The following PEX5L variants were observed in gnomAD, a reference collection of about 807,000 sequenced individuals.
PEX5L encodes peroxisomal biogenesis factor 5 like.
In PEX5L, 30 loss-of-function variants were observed where a neutral mutation model predicts 84.0. That is an observed-to-expected ratio of 0.36 (90% CI 0.27 to 0.48). The LOEUF is 0.48. Among genes scored for constraint, PEX5L ranks in the 20% least tolerant of loss-of-function variants. PEX5L has a pLI of 0.99. For synonymous variants in PEX5L, 270 were observed against 283.1 expected, an observed-to-expected ratio of 0.95 and a Z score of 0.46; for missense variants, 533 against 754.6, an observed-to-expected ratio of 0.71 and a Z score of 3.44.
At chr3:180,035,756 T>C (rs1679734688) in intron 1 of PEX5L, among the ~76,000 whole-genome samples, 1 of 152,228 alleles carries the variant, frequency 6.6e-6, no homozygotes, top group South Asian at 2.1e-4. Context: ...TCAAACCTGA[T>C]GACTAAACCA....
chr3:179,990,543 T>G (rs1294458288), intron 1 of PEX5L, among the ~76,000 whole-genome samples: 1 of 152,126 alleles, frequency 6.6e-6, no homozygotes, highest in Non-Finnish European at 1.5e-5. Flanking sequence ...AGACTACAAG[T>G]GCACAGCACC....
At chr3:179,844,234 G>A (rs1165104931) in intron 8 of PEX5L, among the ~76,000 whole-genome samples, 1 of 152,192 alleles carries the variant, frequency 6.6e-6, no homozygotes, top group Non-Finnish European at 1.5e-5. Flanking sequence ...TATTTAGAAT[G>A]GGGTCATGTC....
At chr3:180,028,253 T>A (rs1791142665) in intron 1 of PEX5L, among the ~76,000 whole-genome samples, 1 of 152,170 alleles carries the variant, frequency 6.6e-6, no homozygotes, top group African/African-American at 2.4e-5. Flanking sequence ...CTATGCTTAT[T>A]CAAATGGCCA....
At chr3:179,929,421 A>G (rs1772379619) in intron 2 of PEX5L, among the ~76,000 whole-genome samples, 1 of 152,196 alleles carries the variant, frequency 6.6e-6, no homozygotes, top group East Asian at 1.9e-4. Context: ...ATTTATTTTC[A>G]GTCCATATTC....
intron 2 of PEX5L, among the ~76,000 whole-genome samples, chr3:179,898,814 G>A (rs1436081067): frequency 6.6e-6 from 1 of 151,970 alleles, no homozygotes; most frequent in Non-Finnish European, 1.5e-5. Context: ...TGTGGAGATG[G>A]TATAAACTTC....
At chr3:179,828,414 C>T (rs1731341159) in intron 8 of PEX5L, among the ~76,000 whole-genome samples, 2 of 152,088 alleles carry the variant, frequency 1.3e-5, no homozygotes, top group Admixed American at 1.3e-4. Flanking sequence ...TCTGTTAATA[C>T]AAGACCCACA....
At chr3:179,897,885 C>CA (rs1759885306) in intron 3 of PEX5L, among the ~76,000 whole-genome samples, 1 of 151,956 alleles carries the variant, frequency 6.6e-6, no homozygotes, top group Admixed American at 6.6e-5. Context: ...GTTTTACTTG[C>CA]ACATATATTC....
At chr3:179,973,920 A>G (rs1406058806) in intron 1 of PEX5L, 2 of 985,486 alleles carry the variant, frequency 2.0e-6, no homozygotes, top group Middle Eastern at 5.2e-4. Context: ...GGAGCCTTAC[A>G]GTTTTACTCT....
chr3:180,036,777 G>A lies in PEX5L; in HGVS notation c.-178C>T. ...CGGCCACTCGGCAGCGCTGCGGGCT[G>A]CCGGGAACTGTTCTCCGCTCGGGGT... is the stretch of plus-strand genomic sequence containing the variant. On this transcript the variant is annotated 5_prime_UTR_variant, in exon 1 of 15. Transcript: ENST00000467460. 1 of 659,962 alleles carries A rather than the reference G, an allele frequency of 1.5e-6. No homozygotes were observed. The allele number at this position is 659,962 out of a possible 1,614,324, so 40.9% of individuals were successfully genotyped here. A position where few individuals can be genotyped will look rare whatever the true frequency, so the allele number is the denominator to read the frequency against.
At chr3:179,861,474 C>A (rs922724915) in intron 7 of PEX5L, among the ~76,000 whole-genome samples, 25 of 152,166 alleles carry the variant, frequency 1.6e-4, no homozygotes, top group African/African-American at 5.8e-4. Flanking sequence ...ATGCAAGGCC[C>A]GCAGGCAGCA....
chr3:180,003,204 C>G lies in PEX5L; in HGVS notation c.22-31539G>C, dbSNP rs779031952. ...TCTGTAAACAAGGTGATTCAGAAAA[C>G]TCAGTCTCTAAAGGGAGCTTAGCTC... is the stretch of plus-strand genomic sequence containing the variant. On this transcript the variant is annotated intron_variant, in intron 1 of 14. Coordinates refer to ENST00000467460, the MANE Select transcript of PEX5L (RefSeq NM_016559.3). 4.3e-4 allele frequency among the ~76,000 whole-genome samples: 65 copies of G among 152,142 alleles called. 1 individual carries two copies. Among genetic ancestry groups the G allele is most frequent in the Admixed American group, 1.3e-4 (2 of 15,278 alleles).
intron 1 of PEX5L, among the ~76,000 whole-genome samples, chr3:180,026,951 A>G (rs1462262238): frequency 6.6e-6 from 1 of 152,132 alleles, no homozygotes; most frequent in Non-Finnish European, 1.5e-5. Context: ...ACTTTTACAG[A>G]CTATCTTGGA....
At chr3:180,011,282 T>A (rs1338031987) in intron 1 of PEX5L, among the ~76,000 whole-genome samples, 2 of 152,232 alleles carry the variant, frequency 1.3e-5, no homozygotes, top group African/African-American at 4.8e-5. Flanking sequence ...TTCCTTCATA[T>A]CTTTTTGTTG....
chr3:179,796,251 GT>G lies in PEX5L; in HGVS notation c.*5576del, dbSNP rs759758498. The G allele has an allele frequency of 4.6e-5, 7 of 151,068 alleles. No homozygotes were observed. The highest frequency in any genetic ancestry group is 1.2e-4 in the African/African-American group (5 of 41,078). 9.4% of individuals were successfully genotyped at this position (151,068 alleles called of 1,614,324 possible). A position where few individuals can be genotyped will look rare whatever the true frequency, so the allele number is the denominator to read the frequency against. On this transcript the variant is annotated 3_prime_UTR_variant, in exon 15 of 15. Coordinates refer to ENST00000467460, the MANE Select transcript of PEX5L (RefSeq NM_016559.3). ...AAAGAACTGCCTAATTGTTGTTGTT[GT>G]TTCCATCTTAATATTATTTTGAGTG...
At chr3:179,891,778 C>A (rs1167068559) in intron 3 of PEX5L, among the ~76,000 whole-genome samples, 2 of 152,092 alleles carry the variant, frequency 1.3e-5, no homozygotes, top group South Asian at 2.1e-4. Flanking sequence ...TTAAGAATAG[C>A]TTTTTCCATC....
At chr3:179,874,917 G>A (rs1751823728) in intron 6 of PEX5L, among the ~76,000 whole-genome samples, 1 of 151,116 alleles carries the variant, frequency 6.6e-6, no homozygotes, top group Admixed American at 6.6e-5. Context: ...GTACAACTCA[G>A]GTGGCCAGAT....
At chr3:179,879,363 C>A (rs1753462902) in intron 5 of PEX5L, among the ~76,000 whole-genome samples, 1 of 152,140 alleles carries the variant, frequency 6.6e-6, no homozygotes, top group African/African-American at 2.4e-5. Context: ...ACTGTGAGAT[C>A]TTGGGCAAAT....
At chr3:179,875,007 C>G (rs1751866495) in intron 6 of PEX5L, among the ~76,000 whole-genome samples, 1 of 151,540 alleles carries the variant, frequency 6.6e-6, no homozygotes, top group Non-Finnish European at 1.5e-5. Context: ...AAAAAGGTAC[C>G]TGTATAGCTG....
At chr3:179,905,429 C>A (rs565207877) in intron 2 of PEX5L, among the ~76,000 whole-genome samples, 1 of 152,036 alleles carries the variant, frequency 6.6e-6, no homozygotes. Flanking sequence ...CCCGCCACCA[C>A]GCCCGGCTAA....
Sources: allele counts gnomAD v4.1 joint callset (sites outside exome capture counted in the v4.1 genomes callset), GRCh38; gene constraint gnomAD v4.1.1; transcripts MANE v1.5; gene names NCBI Gene and HGNC (gene_info 2026-07-23, HGNC 2026-07-21).